Variants in SPRR2G observed in about 807,000 individuals in gnomAD.
SPRR2G encodes small proline-rich protein 2G.
In SPRR2G, 1 loss-of-function variant was observed where a neutral mutation model predicts 0.7. The observed-to-expected ratio is 1.49, with a 90% confidence interval of 0.53 to 7.06. The LOEUF is 7.06. SPRR2G is among the 30% of genes most tolerant of loss of function. The pLI, the probability that SPRR2G is intolerant of heterozygous loss-of-function variation, is 0.14. For missense variants in SPRR2G, 96 were observed against 88.5 expected, an observed-to-expected ratio of 1.09 and a Z score of -0.34; for synonymous variants, 38 against 33.9, an observed-to-expected ratio of 1.12 and a Z score of -0.42.
At chr1:153,187,177 T>C in the SPRR2G span, among the ~76,000 whole-genome samples, 1 of 152,196 alleles carries the variant, frequency 6.6e-6, no homozygotes, top group Non-Finnish European at 1.5e-5. Flanking sequence ...ATTATGTGTC[T>C]TGGGGTTGCT....
At chr1:153,159,592 C>G in the SPRR2G span, among the ~76,000 whole-genome samples, 1 of 152,146 alleles carries the variant, frequency 6.6e-6, no homozygotes, top group Non-Finnish European at 1.5e-5. Flanking sequence ...CTGCTGGTAC[C>G]AATTCTCTGT....
the SPRR2G span, among the ~76,000 whole-genome samples, chr1:153,160,726 C>A: frequency 6.6e-6 from 1 of 151,832 alleles, no homozygotes; most frequent in Non-Finnish European, 1.5e-5. Flanking sequence ...TTTCACCCAG[C>A]CATCCCATTA....
At chr1:153,171,777 GCA>G in the SPRR2G span, among the ~76,000 whole-genome samples, 2 of 152,096 alleles carry the variant, frequency 1.3e-5, no homozygotes, top group African/African-American at 4.8e-5. Context: ...GGTTCCATAA[GCA>G]CAGTTTTCCC....
upstream of SPRR2G, among the ~76,000 whole-genome samples, chr1:153,153,988 T>G (rs1656525997): frequency 6.6e-6 from 1 of 152,146 alleles, no homozygotes; most frequent in South Asian, 2.1e-4. Flanking sequence ...TTGAGATACA[T>G]TTCTTCTATA....
At chr1:153,155,788 A>T (rs554877967), upstream of SPRR2G, among the ~76,000 whole-genome samples, 1 of 152,260 alleles carries the variant, frequency 6.6e-6, no homozygotes, top group South Asian at 2.1e-4. Context: ...CTAACCTGTA[A>T]TATGCCATAT....
At chr1:153,182,900 A>T in the SPRR2G span, among the ~76,000 whole-genome samples, 1 of 152,142 alleles carries the variant, frequency 6.6e-6, no homozygotes, top group Non-Finnish European at 1.5e-5. Context: ...GGTGTATACC[A>T]GTAATGGGAT....
At chr1:153,173,482 G>A in the SPRR2G span, among the ~76,000 whole-genome samples, 1 of 152,176 alleles carries the variant, frequency 6.6e-6, no homozygotes, top group African/African-American at 2.4e-5. Context: ...AAGGAATCAT[G>A]GGATCAGAAG....
the SPRR2G span, among the ~76,000 whole-genome samples, chr1:153,195,380 C>T: frequency 6.6e-6 from 1 of 152,198 alleles, no homozygotes; most frequent in Admixed American, 6.5e-5. Flanking sequence ...GACACGTGGG[C>T]CATGTTTCGG....
At chr1:153,157,099 G>C in the SPRR2G span, among the ~76,000 whole-genome samples, 1 of 152,070 alleles carries the variant, frequency 6.6e-6, no homozygotes, top group Admixed American at 6.5e-5. Context: ...ATAGTACTTT[G>C]GCACCATCAT....
At chr1:153,152,782 A>C (rs1002239253), upstream of SPRR2G, among the ~76,000 whole-genome samples, 10 of 152,206 alleles carry the variant, frequency 6.6e-5, no homozygotes, top group African/African-American at 2.4e-4. Context: ...GGATTACGTG[A>C]CTTAAAACAG....
chr1:153,181,766 G>T, the SPRR2G span, among the ~76,000 whole-genome samples: 4 of 150,944 alleles, frequency 2.6e-5, no homozygotes, highest in African/African-American at 9.7e-5. Context: ...TATTTTTATG[G>T]CTGAGTGGTA....
chr1:153,174,920 C>A, the SPRR2G span, among the ~76,000 whole-genome samples: 1 of 152,146 alleles, frequency 6.6e-6, no homozygotes, highest in Middle Eastern at 3.4e-3. Context: ...AAGAAAGAAA[C>A]AAAAGAAAAG....
the SPRR2G span, among the ~76,000 whole-genome samples, chr1:153,156,862 T>C: frequency 5.9e-5 from 9 of 152,194 alleles, no homozygotes; most frequent in Non-Finnish European, 1.2e-4. Context: ...TAAGTAAACG[T>C]CAGTATTTAA....
chr1:153,166,336 G>A, the SPRR2G span, among the ~76,000 whole-genome samples: 1 of 152,144 alleles, frequency 6.6e-6, no homozygotes, highest in Non-Finnish European at 1.5e-5. Flanking sequence ...AATCATTGAG[G>A]ATGAAGAAGA....
the SPRR2G span, among the ~76,000 whole-genome samples, chr1:153,166,760 A>G: frequency 0.42 from 63,477 of 152,074 alleles, 15,029 homozygotes; most frequent in Non-Finnish European, 0.56. Flanking sequence ...TTTGAATCTA[A>G]GAAAAGAACA....
chr1:153,199,208 A>G, the SPRR2G span, among the ~76,000 whole-genome samples: 1 of 152,212 alleles, frequency 6.6e-6, no homozygotes, highest in Non-Finnish European at 1.5e-5. Context: ...TGGGCCAGAT[A>G]TGAGCCATAA....
At chr1:153,183,068 CTT>C in the SPRR2G span, among the ~76,000 whole-genome samples, 866 of 138,896 alleles carry the variant, frequency 6.2e-3, 13 homozygotes, top group African/African-American at 0.022. Context: ...CTTTTTTTTT[CTT>C]TTTTTTTTTT....
At chr1:153,184,490 A>G in the SPRR2G span, among the ~76,000 whole-genome samples, 1 of 152,190 alleles carries the variant, frequency 6.6e-6, no homozygotes, top group Non-Finnish European at 1.5e-5. Flanking sequence ...GAGTTCACTC[A>G]TGATTTGGCT....
the SPRR2G span, among the ~76,000 whole-genome samples, chr1:153,182,804 T>C: frequency 6.6e-6 from 1 of 152,238 alleles, no homozygotes; most frequent in African/African-American, 2.4e-5. Context: ...GCATTTGGGT[T>C]GGTTCCAAGT....
Sources: gnomAD v4.1 joint callset for allele counts (sites outside exome capture counted in the v4.1 genomes callset) on GRCh38, gnomAD v4.1.1 for gene constraint, MANE v1.5 for transcripts, NCBI Gene and HGNC (gene_info 2026-07-23, HGNC 2026-07-21) for gene names.